The following SDK1 variants were observed in gnomAD, a reference collection of about 807,000 sequenced individuals.
The protein encoded by SDK1 is sidekick cell adhesion molecule 1.
Under a neutral mutation model 245.5 loss-of-function variants are expected in SDK1, and 157 were observed. The ratio of observed to expected loss-of-function variants is 0.64; its 90% CI spans 0.56 to 0.73. The LOEUF is 0.73. Ranked by LOEUF, SDK1 falls within the 30% of genes least tolerant of loss-of-function variation. The probability of loss-of-function intolerance (pLI) is 0.00; values close to 1 mark genes in which losing one functional copy is unlikely to be tolerated. For synonymous variants in SDK1, 1,647 were observed against 1,278.5 expected, an observed-to-expected ratio of 1.29 and a Z score of -6.15; for missense variants, 3,583 against 3,002.3, an observed-to-expected ratio of 1.19 and a Z score of -4.52.
chr7:4,260,155 T>G (rs1300124070), intron 44 of SDK1, among the ~76,000 whole-genome samples: 110 of 126,378 alleles, frequency 8.7e-4, no homozygotes, highest in South Asian at 1.6e-3. Context: ...CCGGGGTCTC[T>G]GTGTGTGTGG....
chr7:3,872,811 C>G (rs1451180508), intron 5 of SDK1, among the ~76,000 whole-genome samples: 1 of 152,066 alleles, frequency 6.6e-6, no homozygotes, highest in East Asian at 1.9e-4. Flanking sequence ...GAATCTACCT[C>G]CACATAATGC....
At chr7:3,533,245 C>T (rs933609539) in intron 1 of SDK1, among the ~76,000 whole-genome samples, 5 of 152,106 alleles carry the variant, frequency 3.3e-5, no homozygotes, top group South Asian at 2.1e-4. Context: ...AATCCTATTT[C>T]CAACATGTGG....
At chr7:4,046,095 AT>A (rs567267599) in intron 17 of SDK1, among the ~76,000 whole-genome samples, 8,274 of 145,780 alleles carry the variant, frequency 0.057, 486 homozygotes, top group African/African-American at 0.14. Flanking sequence ...CACCCAGCTG[AT>A]TTTTTTTTTT....
At chr7:3,590,167 C>T (rs1470947070) in intron 1 of SDK1, among the ~76,000 whole-genome samples, 1 of 152,196 alleles carries the variant, frequency 6.6e-6, no homozygotes, top group Non-Finnish European at 1.5e-5. Context: ...TCAGGCTGTG[C>T]TCCCAAACCT....
rs767625473 is a variant in SDK1 at position 4,145,730 on chromosome 7, A to G, written c.4237A>G (p.Ile1413Val). 1.9e-6 allele frequency: 3 copies of G among 1,605,530 alleles called. No homozygotes were observed. The highest frequency in any genetic ancestry group is 2.2e-5 in the South Asian group (2 of 89,472). Residue 1413 changes from isoleucine (I) to valine (V), a missense_variant, in exon 29 of 45, where the codon ATT becomes GTT. Ile to Val is a conservative substitution (Grantham distance 29, BLOSUM62 3). Coordinates refer to ENST00000404826, the MANE Select transcript of SDK1 (RefSeq NM_152744.4). ...ATGTCACCTGCCTGCAGGGTACCAG[A>G]TTGCCTACCGCCTGGCCAGCAGCAG... Reference protein sequence around the residue: ...EPNGIILGYQIAYRLASSSPH... With the variant: ...EPNGIILGYQVAYRLASSSPH...
chr7:3,896,655 C>A (rs1251755039), intron 5 of SDK1, among the ~76,000 whole-genome samples: 1 of 152,164 alleles, frequency 6.6e-6, no homozygotes, highest in African/African-American at 2.4e-5. Flanking sequence ...TTTTCCTTCA[C>A]CCAGGAATCA....
rs772732282 is a variant in SDK1, at chr7:3,971,461, T to G, written c.1715-5T>G. 1.2e-6 allele frequency: 2 copies of G among 1,606,598 alleles called. No individual in the cohort carries two copies. Among genetic ancestry groups the G allele is most frequent in the Non-Finnish European group, 1.7e-6 (2 of 1,174,220 alleles). On this transcript the variant is annotated splice_region_variant and splice_polypyrimidine_tract_variant and intron_variant, in intron 11 of 44. Transcript: ENST00000404826. ...CGTCTGACTCGTGACTTGTGTTTTT[T>G]TCAGATCGGACGTCCATCGTCCACC...
intron 14 of SDK1, among the ~76,000 whole-genome samples, chr7:3,997,361 C>A (rs1268505216): frequency 6.6e-6 from 1 of 152,160 alleles, no homozygotes; most frequent in Non-Finnish European, 1.5e-5. Context: ...GCAAGTCGTC[C>A]CATCGTCTCT....
chr7:3,389,179 AC>A (rs1185953493), intron 1 of SDK1, among the ~76,000 whole-genome samples: 1 of 152,064 alleles, frequency 6.6e-6, no homozygotes, highest in Non-Finnish European at 1.5e-5. Context: ...AAATAATGTT[AC>A]CCCAATGATG....
chr7:4,063,089 G>C (rs1484537146), intron 19 of SDK1, among the ~76,000 whole-genome samples: 3 of 152,098 alleles, frequency 2.0e-5, no homozygotes, highest in Non-Finnish European at 2.9e-5. Flanking sequence ...TGTAGTACTG[G>C]AAGTCCTAGC....
intron 5 of SDK1, among the ~76,000 whole-genome samples, chr7:3,824,767 T>A (rs1311605382): frequency 2.6e-5 from 4 of 152,162 alleles, no homozygotes; most frequent in Non-Finnish European, 4.4e-5. Context: ...ATAGATAGGT[T>A]TTAGATTTAA....
rs577549938 is a variant in SDK1 at position 3,302,114 on chromosome 7, T to C, written c.298+230T>C. On this transcript the variant is annotated intron_variant, in intron 1 of 44. Transcript: ENST00000404826. ...CTGCTACTTTGCGTTTTATTTTTTT[T>C]ATACCGCAGTAGCACAAACAAAAAT... 2.9e-3 allele frequency: 608 copies of C among 212,766 alleles called. 2 individuals carry two copies. The highest frequency in any genetic ancestry group is 0.013 in the African/African-American group (556 of 42,946). The allele number at this position is 212,766 out of a possible 1,614,324, so 13.2% of individuals were successfully genotyped here.
chr7:3,879,682 C>A (rs551231554), intron 5 of SDK1, among the ~76,000 whole-genome samples: 1 of 152,300 alleles, frequency 6.6e-6, no homozygotes, highest in Non-Finnish European at 1.5e-5. Flanking sequence ...CATTATCTTT[C>A]TTTTTGTGGT....
chr7:3,434,194 C>G (rs968950635), intron 1 of SDK1, among the ~76,000 whole-genome samples: 1 of 152,098 alleles, frequency 6.6e-6, no homozygotes, highest in African/African-American at 2.4e-5. Flanking sequence ...AGCTGTACTA[C>G]TCACTCTACC....
At chr7:3,509,001 TGGTG>T (rs1293912053) in intron 1 of SDK1, among the ~76,000 whole-genome samples, 1 of 152,162 alleles carries the variant, frequency 6.6e-6, no homozygotes, top group African/African-American at 2.4e-5. Context: ...GTGGCAGTGA[TGGTG>T]GGTCATAGCA....
intron 1 of SDK1, among the ~76,000 whole-genome samples, chr7:3,537,668 C>T (rs1342124597): frequency 6.6e-6 from 1 of 152,216 alleles, no homozygotes; most frequent in African/African-American, 2.4e-5. Flanking sequence ...AAGCAGGCTG[C>T]TGACTGCGCC....
intron 1 of SDK1, among the ~76,000 whole-genome samples, chr7:3,456,815 T>A (rs768781654): frequency 2.0e-5 from 3 of 152,226 alleles, no homozygotes; most frequent in African/African-American, 7.2e-5. Flanking sequence ...TAGGAGACTC[T>A]TGGTCCTACT....
At chr7:3,619,351 G>T in intron 2 of SDK1, 112 bp downstream of exon 2, 2 of 839,932 alleles carry the variant, frequency 2.4e-6, no homozygotes, top group Non-Finnish European at 3.7e-6. Flanking sequence ...AATTTCTAAT[G>T]CATTCAAGAT....
rs149335509 is a variant in SDK1 at position 4,063,429 on chromosome 7, A to G, written c.2912-4409A>G. On this transcript the variant is annotated intron_variant, in intron 19 of 44. Transcript: ENST00000404826. ...ATCTCTACAAAGAAAAATACAAAAC[A>G]TTGATGAAAGGAACTAAGAAACTGA... 9.2e-4 allele frequency among the ~76,000 whole-genome samples: 140 copies of G among 152,250 alleles called. 2 individuals carry two copies. Among genetic ancestry groups the G allele is most frequent in the African/African-American group, 3.3e-3 (136 of 41,570 alleles).
Sources: allele counts gnomAD v4.1 joint callset (sites outside exome capture counted in the v4.1 genomes callset), GRCh38; gene constraint gnomAD v4.1.1; transcripts MANE v1.5; gene names NCBI Gene and HGNC (gene_info 2026-07-23, HGNC 2026-07-21).